STK31: variants seen among roughly 807,000 people sequenced by gnomAD.
STK31 encodes serine/threonine kinase 31, also known as serine/threonine-protein kinase 31.
Under a neutral mutation model 129.7 loss-of-function variants are expected in STK31, and 89 were observed. The observed-to-expected ratio is 0.69, with a 90% CI of 0.58 to 0.82. The LOEUF is 0.82. STK31 is among the 40% of genes least tolerant of loss of function. STK31 has a pLI of 0.00. For synonymous variants in STK31, 448 were observed against 395.3 expected (o/e 1.13, Z -1.58); for missense variants, 1,187 against 1,176.4 (o/e 1.01, Z -0.13).
chr7:23,805,562 C>A (rs577985736), intron 22 of STK31, among the ~76,000 whole-genome samples: 1 of 152,208 alleles, frequency 6.6e-6, no homozygotes, highest in East Asian at 1.9e-4. Flanking sequence ...CAGCTCATTG[C>A]AGCCTCAATC....
intron 22 of STK31, among the ~76,000 whole-genome samples, chr7:23,809,516 CCCCCACATA>C (rs1405167660): frequency 2.0e-5 from 3 of 152,092 alleles, no homozygotes; most frequent in African/African-American, 7.2e-5. Flanking sequence ...GGTTTCGGGA[CCCCCACATA>C]TGCCAAAATC....
At position 23,832,391 on chromosome 7, in the gene STK31, G is replaced by A. The variant is rs200866998; in HGVS notation, c.*25G>A. ...AATTATTATTGTTGTTGTTGCAGAG[G>A]TTCTTTTTAAAAACTTTGGTTTGGT... On this transcript the variant is annotated 3_prime_UTR_variant, in exon 24 of 24. Coordinates refer to ENST00000355870, the MANE Select transcript of STK31 (RefSeq NM_031414.5). 2.4e-5 allele frequency: 37 copies of A among 1,540,802 alleles called. No individual in the cohort carries two copies. In the East Asian group the frequency reaches 7.5e-4, roughly 31 times the overall value.
rs747329619 is a variant in STK31 at position 23,772,230 on chromosome 7, A to G, written c.1917A>G (p.Leu639=). Residue 639 remains leucine (L), a synonymous_variant, in exon 15 of 24, where the codon TTA becomes TTG. Coordinates refer to ENST00000355870, the MANE Select transcript of STK31 (RefSeq NM_031414.5). ...LLSIKKTLKS[L]KALLRWKLVE... is the part of the protein sequence containing the mutation. ...CCATTAAGAAGACATTGAAAAGCTT[A>G]AAAGCTCTACTCAGATGGAAATTGG... is the stretch of plus-strand genomic sequence containing the variant. The G allele has an allele frequency of 1.2e-6, 2 of 1,609,736 alleles. No individual in the cohort carries two copies. The highest frequency in any genetic ancestry group is 1.1e-5 in the South Asian group (1 of 90,410).
intron 23 of STK31, among the ~76,000 whole-genome samples, 196 bp downstream of exon 23, chr7:23,815,408 T>C (rs1361401797): frequency 6.6e-6 from 1 of 152,164 alleles, no homozygotes; most frequent in African/African-American, 2.4e-5. Context: ...CTGGGTTGTT[T>C]GTCACACAGA....
rs749898573 is a variant in STK31, at chr7:23,737,038, C to G, written c.977C>G (p.Ala326Gly). ...GACGCTCTTCTTGAAAGTTATAAGG[C>G]GTTAGAATTGAAAGTAGAGCAGATT... ...EKDALLESYK[A>G]LELKVEQIAQ... Residue 326 changes from alanine (A) to glycine (G), a missense_variant, in exon 8 of 24, where the codon GCG becomes GGG. By Grantham distance (60) the Ala-to-Gly change is moderately conservative (BLOSUM62 0). This residue lies in a region of STK31 where 975 missense variants were observed against 934.9 expected (regional missense o/e 1.04). Coordinates refer to ENST00000355870, the MANE Select transcript of STK31 (RefSeq NM_031414.5). 5.6e-6 allele frequency: 9 copies of G among 1,610,722 alleles called. No homozygotes were observed. The Admixed American group carries it at 1.2e-4, about 21-fold the overall frequency.
At chr7:23,741,384 T>G (rs1788046555) in intron 8 of STK31, among the ~76,000 whole-genome samples, 1 of 152,210 alleles carries the variant, frequency 6.6e-6, no homozygotes, top group Non-Finnish European at 1.5e-5. Context: ...GAAATATTAT[T>G]TTCTAATGCT....
Position 23,726,847 on chromosome 7 carries a change from C to T in STK31, c.250-394C>T, listed in dbSNP as rs143897575. Among the ~76,000 whole-genome samples the T allele has an allele frequency of 4.7e-4, 71 of 152,168 alleles. 1 individual carries two copies. The South Asian group carries it at 9.3e-3, about 20-fold the overall frequency. ...CCACTATAGTTGAGAGTTAGACTTA[C>T]GTGGCATGTACTTGCCATGTTTATG... On this transcript the variant is annotated intron_variant, in intron 4 of 23. Transcript: ENST00000355870.
At chr7:23,799,128 T>C (rs2128119336) in intron 22 of STK31, among the ~76,000 whole-genome samples, 1 of 152,270 alleles carries the variant, frequency 6.6e-6, no homozygotes, top group South Asian at 2.1e-4. Flanking sequence ...TCCATGCTCA[T>C]GGATAGGGAG....
At chr7:23,772,632 G>A (rs1790273485) in intron 15 of STK31, among the ~76,000 whole-genome samples, 1 of 152,092 alleles carries the variant, frequency 6.6e-6, no homozygotes, top group Non-Finnish European at 1.5e-5. Context: ...GTACCCCCTC[G>A]AAGGTAGCGT....
In STK31 at chr7:23,785,496, A is replaced by G. The variant is rs1439160022; in HGVS notation, c.2167A>G (p.Thr723Ala). ...TGCCTAGAACTCTGGTGGTCTCCTTACAATGAGCTTGGAACGAGATCTTCT... is the reference window on the plus strand; with the variant it reads ...TGCCTAGAACTCTGGTGGTCTCCTTGCAATGAGCTTGGAACGAGATCTTCT... ...LKYMNSGGLL[T>A]MSLERDLLDA... Residue 723 changes from threonine to alanine, a missense_variant, in exon 18 of 24, where the codon ACA becomes GCA. Around this residue, in one of 5 missense-constraint regions of STK31, gnomAD observed 975 missense variants for 934.9 expected, o/e 1.04. Transcript: ENST00000355870. 1 of 1,613,920 alleles carries G rather than the reference A, an allele frequency of 6.2e-7. No individual in the cohort carries two copies. Among genetic ancestry groups the G allele is most frequent in the Non-Finnish European group, 8.5e-7 (1 of 1,179,826 alleles).
intron 10 of STK31, among the ~76,000 whole-genome samples, chr7:23,756,158 C>T (rs1450996782): frequency 6.6e-6 from 1 of 152,032 alleles, no homozygotes. Flanking sequence ...TGTTTGTGTC[C>T]TCTCTTATTT....
chr7:23,734,553 A>G (rs1243180009), intron 6 of STK31, among the ~76,000 whole-genome samples: 3 of 152,204 alleles, frequency 2.0e-5, no homozygotes, highest in African/African-American at 4.8e-5. Context: ...TTTTAGGTGT[A>G]TCTTTGCTTA....
At chr7:23,738,247 T>C (rs1225934142) in intron 8 of STK31, among the ~76,000 whole-genome samples, 1 of 152,146 alleles carries the variant, frequency 6.6e-6, no homozygotes, top group Non-Finnish European at 1.5e-5. Flanking sequence ...AAATGGAAGA[T>C]ATATATAAGG....
intron 10 of STK31, among the ~76,000 whole-genome samples, chr7:23,760,640 T>A (rs996540103): frequency 6.6e-6 from 1 of 152,184 alleles, no homozygotes; most frequent in African/African-American, 2.4e-5. Flanking sequence ...GATTACCTAG[T>A]TGTAATTTTT....
chr7:23,710,214 C>G (rs1041267328), upstream of STK31: 9 of 1,609,890 alleles, frequency 5.6e-6, no homozygotes, highest in Admixed American at 3.3e-5. Flanking sequence ...CAGTGTGGGG[C>G]CCTTGCGGTC....
At chr7:23,725,305 C>A (rs554449290) in intron 4 of STK31, among the ~76,000 whole-genome samples, 21 of 127,768 alleles carry the variant, frequency 1.6e-4, no homozygotes, top group Middle Eastern at 5.6e-3. Context: ...GAGGCCGAGG[C>A]AGGAGGATTG....
At chr7:23,734,095 G>C (rs1562557609) in intron 6 of STK31, among the ~76,000 whole-genome samples, 1 of 152,104 alleles carries the variant, frequency 6.6e-6, no homozygotes, top group Non-Finnish European at 1.5e-5. Flanking sequence ...TGACCGGTTT[G>C]TATTTTGTGG....
At chr7:23,796,568 A>G (rs1216344425) in intron 22 of STK31, among the ~76,000 whole-genome samples, 1 of 152,098 alleles carries the variant, frequency 6.6e-6, no homozygotes, top group East Asian at 1.9e-4. Flanking sequence ...TATACATTCT[A>G]TGAATTTTAA....
In STK31 at chr7:23,737,081, A is replaced by T; in HGVS notation, c.1017+3A>T. The T allele has an allele frequency of 6.2e-7, 1 of 1,600,124 alleles. No individual in the cohort carries two copies. Among genetic ancestry groups the T allele is most frequent in the Non-Finnish European group, 8.5e-7 (1 of 1,177,080 alleles). On this transcript the variant is annotated splice_donor_region_variant and intron_variant, in intron 8 of 23. Transcript: ENST00000355870. ...AGCAGATTGCCCAGGAGCTGCAGGT[A>T]TGTTCAGTGGCTTAAGGTGAAGAGT... is the stretch of plus-strand genomic sequence containing the variant.
Sources: gnomAD v4.1 joint callset for allele counts (sites outside exome capture counted in the v4.1 genomes callset) on GRCh38, gnomAD v4.1.1 for gene constraint, gnomAD v4.1.1 regional missense constraint, MANE v1.5 for transcripts, NCBI Gene and HGNC (gene_info 2026-07-23, HGNC 2026-07-21) for gene names.